Variants in MTR observed in about 807,000 individuals in gnomAD.
The protein encoded by MTR is 5-methyltetrahydrofolate-homocysteine methyltransferase, also known as methionine synthase.
Under a neutral mutation model 154.8 loss-of-function variants are expected in MTR, and 84 were observed. That is an observed-to-expected ratio of 0.54 (90% CI 0.45 to 0.65). The LOEUF (loss-of-function observed/expected upper bound fraction) is 0.65. MTR is among the 30% of genes least tolerant of loss of function. MTR has a pLI of 0.00. For missense variants in MTR, 1,275 were observed against 1,570.2 expected (o/e 0.81, Z 3.18); for synonymous variants, 554 against 553.9 (o/e 1.00, Z 0.00).
chr1:236,804,867 G>A (rs1466767158), intron 2 of MTR, among the ~76,000 whole-genome samples: 2 of 151,338 alleles, frequency 1.3e-5, no homozygotes, highest in African/African-American at 4.9e-5. Flanking sequence ...AGTACTCTGT[G>A]TATGTTTTTT....
intron 31 of MTR, among the ~76,000 whole-genome samples, chr1:236,896,322 C>A (rs758723975): frequency 6.6e-6 from 1 of 152,160 alleles, no homozygotes; most frequent in Non-Finnish European, 1.5e-5. Context: ...TAAAGGCATC[C>A]AGATTTAAGT....
At chr1:236,838,919 A>G (rs113249647) in intron 15 of MTR, among the ~76,000 whole-genome samples, 3 of 152,338 alleles carry the variant, frequency 2.0e-5, no homozygotes, top group African/African-American at 7.2e-5. Flanking sequence ...TGTTGTTTCT[A>G]TGTTATAAGC....
At position 236,899,586 on chromosome 1, in the gene MTR, CA is replaced by C. The variant is rs1666833832; in HGVS notation, c.*1943del. 1 of 152,154 alleles carries C rather than the reference CA, an allele frequency of 6.6e-6. No homozygotes were observed. Among genetic ancestry groups the C allele is most frequent in the Non-Finnish European group, 1.5e-5 (1 of 68,028 alleles). The allele number at this position is 152,154 out of a possible 1,614,324, so 9.4% of individuals were successfully genotyped here. Reference sequence around the variant, plus strand: ...TGTTTGGATGAAAAAAGCCTTAGGGCAGGAAAGAATCTCTTGAGACATAAAG... The same window carrying C: ...TGTTTGGATGAAAAAAGCCTTAGGGCGGAAAGAATCTCTTGAGACATAAAG... On this transcript the variant is annotated 3_prime_UTR_variant, in exon 33 of 33. Transcript: ENST00000366577.
intron 22 of MTR, among the ~76,000 whole-genome samples, chr1:236,872,430 C>T (rs373707439): frequency 2.6e-5 from 4 of 152,290 alleles, no homozygotes; most frequent in East Asian, 1.9e-4. Context: ...GACAGCTCTT[C>T]GTGTGCAGGA....
chr1:236,897,082 C>T lies in MTR; in HGVS notation c.3675C>T (p.Ser1225=), dbSNP rs1342641943. ...GCCTCTACTTCTCCAATTTGAAGTC[C>T]AAATATTTTGCTGTGGGGAAGATTT... The part of the protein sequence containing the change: ...VSGLYFSNLK[S]KYFAVGKISK... The change falls in exon 32 of 33, where the codon TCC becomes TCT. Residue 1225 remains serine, a synonymous_variant. Transcript: ENST00000366577. The T allele has an allele frequency of 1.2e-6, 2 of 1,614,006 alleles. No individual in the cohort carries two copies. Among genetic ancestry groups the T allele is most frequent in the Non-Finnish European group, 1.7e-6 (2 of 1,179,920 alleles).
Position 236,795,302 on chromosome 1 carries a change from G to A in MTR, c.-402G>A, listed in dbSNP as rs910130778. 1.1e-5 allele frequency: 13 copies of A among 1,220,502 alleles called. 1 individual carries two copies. The African/African-American group carries it at 2.0e-4, about 19-fold the overall frequency. The allele number at this position is 1,220,502 out of a possible 1,614,324, so 75.6% of individuals were successfully genotyped here. A position where few individuals can be genotyped will look rare whatever the true frequency, so the allele number is the denominator to read the frequency against. ...GGATAGATTGAGCGCAGAACTAACCGCGCTCTGAAAGGTTCTAAATGTCTG... is the reference window on the plus strand; with the variant it reads ...GGATAGATTGAGCGCAGAACTAACCACGCTCTGAAAGGTTCTAAATGTCTG... On this transcript the variant is annotated 5_prime_UTR_variant, in exon 1 of 33. Transcript: ENST00000366577.
rs911744393 is a variant in MTR, at chr1:236,897,864, G to T, written c.*220G>T. ...GTTTTTTTGGGACCTTGCGTGAAGA[G>T]CAGTGAGCAGGGTTCCTGTGGTTTC... On this transcript the variant is annotated 3_prime_UTR_variant, in exon 33 of 33. Coordinates refer to ENST00000366577, the MANE Select transcript of MTR (RefSeq NM_000254.3). 3 of 570,134 alleles carry T rather than the reference G, an allele frequency of 5.3e-6. 1 individual carries two copies. In the Admixed American group the frequency reaches 9.2e-5, roughly 18 times the overall value. The allele number at this position is 570,134 out of a possible 1,614,324, so 35.3% of individuals were successfully genotyped here. A position where few individuals can be genotyped will look rare whatever the true frequency, so the allele number is the denominator to read the frequency against.
At position 236,885,238 on chromosome 1, in the gene MTR, T is replaced by C. The variant is rs1416410897; in HGVS notation, c.2775+19T>C. The C allele has an allele frequency of 6.9e-6, 10 of 1,451,646 alleles. No homozygotes were observed. The highest frequency in any genetic ancestry group is 9.7e-6 in the Non-Finnish European group (10 of 1,033,342). 89.9% of individuals were successfully genotyped at this position (1,451,646 alleles called of 1,614,324 possible). On this transcript the variant is annotated intron_variant, in intron 26 of 32. Transcript: ENST00000366577. ...TCTCAAGGTAAGTGGTAGAAACAGA[T>C]TTTTGCTTGTTTTTAATGTGACTGT...
intron 4 of MTR, among the ~76,000 whole-genome samples, chr1:236,809,562 A>T (rs1392072277): frequency 6.6e-6 from 1 of 152,238 alleles, no homozygotes; most frequent in African/African-American, 2.4e-5. Flanking sequence ...GGAAATGCAT[A>T]GACTATTACT....
At chr1:236,851,536 A>G (rs1296725430) in intron 16 of MTR, among the ~76,000 whole-genome samples, 5 of 152,242 alleles carry the variant, frequency 3.3e-5, no homozygotes, top group Non-Finnish European at 5.9e-5. Context: ...TACATGCACA[A>G]AACAAGGTTA....
rs541732021 is a variant in MTR, at chr1:236,897,016, A to G, written c.3609A>G (p.Leu1203=). The G allele has an allele frequency of 6.2e-7, 1 of 1,613,424 alleles. No homozygotes were observed. Among genetic ancestry groups the G allele is most frequent in the African/African-American group, 1.3e-5 (1 of 75,038 alleles). Residue 1203 remains leucine (L), a synonymous_variant, in exon 32 of 33, where the codon TTA becomes TTG. Coordinates refer to ENST00000366577, the MANE Select transcript of MTR (RefSeq NM_000254.3). ...TGTTGCTCCCTCTAGGCATTAGGTT[A>G]ACAGAATCATTAGCAATGGCACCTG... ...ADIEQSTGIR[L]TESLAMAPAS...
intron 8 of MTR, among the ~76,000 whole-genome samples, chr1:236,818,791 T>C (rs967960069): frequency 6.6e-6 from 1 of 152,224 alleles, no homozygotes; most frequent in African/African-American, 2.4e-5. Context: ...CAAATATTTA[T>C]TGAAATACTA....
intron 12 of MTR, among the ~76,000 whole-genome samples, chr1:236,831,004 G>A (rs1471943501): frequency 6.6e-6 from 1 of 152,082 alleles, no homozygotes. Context: ...CTAATTCTGT[G>A]CCTGTCAATG....
intron 20 of MTR, among the ~76,000 whole-genome samples, chr1:236,861,680 A>G (rs540640128): frequency 2.6e-5 from 4 of 152,210 alleles, no homozygotes; most frequent in Non-Finnish European, 5.9e-5. Context: ...GTTTTAAATG[A>G]CGGTACATTA....
intron 24 of MTR, among the ~76,000 whole-genome samples, chr1:236,875,482 T>G (rs1180287707): frequency 2.0e-5 from 3 of 152,206 alleles, no homozygotes; most frequent in Non-Finnish European, 4.4e-5. Context: ...ATGATCATAG[T>G]GATATGTGGT....
intron 30 of MTR, chr1:236,894,851 A>C: frequency 2.2e-6 from 1 of 451,214 alleles, no homozygotes; most frequent in Non-Finnish European, 4.0e-6. Context: ...GCTTGTTGTG[A>C]TGTGACATTT....
chr1:236,815,981 T>C (rs1661570132), intron 7 of MTR, among the ~76,000 whole-genome samples: 1 of 152,190 alleles, frequency 6.6e-6, no homozygotes, highest in Non-Finnish European at 1.5e-5. Flanking sequence ...TGCATGCTGA[T>C]GGCCACATAC....
At chr1:236,853,139 T>C in intron 18 of MTR, 51 bp downstream of exon 18, 1 of 1,582,096 alleles carries the variant, frequency 6.3e-7, no homozygotes, top group Non-Finnish European at 8.7e-7. Context: ...TTTGAATGTA[T>C]TACTCACCTA....
At chr1:236,826,225 A>G (rs1240047289) in intron 10 of MTR, among the ~76,000 whole-genome samples, 1 of 152,154 alleles carries the variant, frequency 6.6e-6, no homozygotes, top group Non-Finnish European at 1.5e-5. Context: ...GTGTTATCCA[A>G]CTCATATTCA....
Sources: gnomAD v4.1 joint callset for allele counts (sites outside exome capture counted in the v4.1 genomes callset) on GRCh38, gnomAD v4.1.1 for gene constraint, MANE v1.5 for transcripts, NCBI Gene and HGNC (gene_info 2026-07-23, HGNC 2026-07-21) for gene names.